The following NEK11 variants were observed in gnomAD, a reference collection of about 807,000 sequenced individuals.
NEK11 encodes NIMA related kinase 11.
A neutral mutation model predicts 80.7 loss-of-function variants in NEK11; 72 were observed. The ratio of observed to expected loss-of-function variants is 0.89; its 90% CI spans 0.74 to 1.08. The LOEUF (loss-of-function observed/expected upper bound fraction) is 1.08. Ranked by LOEUF, NEK11 falls within the 50% of genes least tolerant of loss-of-function variation. The probability of loss-of-function intolerance (pLI) is 0.00; values close to 1 mark genes in which losing one functional copy is unlikely to be tolerated. For synonymous variants in NEK11, 251 were observed against 260.7 expected (o/e 0.96, Z 0.36); for missense variants, 764 against 763.6 (o/e 1.00, Z -0.01).
At chr3:131,306,053 A>G (rs539087811) in intron 17 of NEK11, among the ~76,000 whole-genome samples, 5 of 152,192 alleles carry the variant, frequency 3.3e-5, no homozygotes, top group African/African-American at 1.2e-4. Context: ...AAATCCTAAG[A>G]TTTCTTATGA....
At chr3:131,073,263 T>C (rs1016472333) in intron 3 of NEK11, among the ~76,000 whole-genome samples, 6 of 152,172 alleles carry the variant, frequency 3.9e-5, no homozygotes, top group Non-Finnish European at 7.4e-5. Context: ...TTTTTATTCA[T>C]GCAATATTTG....
chr3:131,182,642 C>T (rs2093417875), intron 14 of NEK11, among the ~76,000 whole-genome samples: 2 of 152,100 alleles, frequency 1.3e-5, no homozygotes, highest in African/African-American at 2.4e-5. Flanking sequence ...GGCCAAGGCT[C>T]GTTTAAATTA....
At chr3:131,035,395 G>T (rs1156253495) in intron 3 of NEK11, among the ~76,000 whole-genome samples, 1 of 152,166 alleles carries the variant, frequency 6.6e-6, no homozygotes, top group Non-Finnish European at 1.5e-5. Flanking sequence ...AGCCAAAAAA[G>T]TCTGGGTCCA....
chr3:131,294,738 T>C (rs1330487635), intron 17 of NEK11, among the ~76,000 whole-genome samples: 1 of 152,180 alleles, frequency 6.6e-6, no homozygotes, highest in Admixed American at 6.5e-5. Flanking sequence ...ATTTTGACAC[T>C]CTGTTGTTAG....
At chr3:131,089,408 AGT>A (rs955800657) in intron 4 of NEK11, among the ~76,000 whole-genome samples, 6 of 152,042 alleles carry the variant, frequency 3.9e-5, no homozygotes, top group Admixed American at 1.3e-4. Context: ...ATGTCAATCC[AGT>A]GAATTAATAA....
At chr3:131,118,218 T>C (rs2081649612) in intron 5 of NEK11, among the ~76,000 whole-genome samples, 1 of 152,226 alleles carries the variant, frequency 6.6e-6, no homozygotes, top group South Asian at 2.1e-4. Flanking sequence ...CTTTTCTGCA[T>C]CTATTGAGAT....
At chr3:131,082,674 ACTTT>A (rs1174640375) in intron 4 of NEK11, among the ~76,000 whole-genome samples, 1 of 152,230 alleles carries the variant, frequency 6.6e-6, no homozygotes, top group Non-Finnish European at 1.5e-5. Flanking sequence ...TGTTGCTATA[ACTTT>A]CTTTCCCTGT....
chr3:131,277,153 A>G (rs2096306925), intron 17 of NEK11, among the ~76,000 whole-genome samples: 2 of 152,208 alleles, frequency 1.3e-5, no homozygotes, highest in Admixed American at 6.5e-5. Context: ...CCACATATAA[A>G]AGTAGTCAGA....
chr3:131,138,287 C>A (rs2086054019), intron 7 of NEK11, among the ~76,000 whole-genome samples: 2 of 152,080 alleles, frequency 1.3e-5, no homozygotes, highest in African/African-American at 2.4e-5. Context: ...TCCCTGTAGG[C>A]CTGTAGTGGT....
Position 131,219,491 on chromosome 3 carries a change from G to A in NEK11, c.1400-9037G>A, listed in dbSNP as rs1580397134. On this transcript the variant is annotated intron_variant, in intron 14 of 17. Transcript: ENST00000383366. ...AAACCTGGGTGTAGCAAACCATCAG[G>A]ACGCGTGTGTATCCATGGAACAAAC... is the stretch of plus-strand genomic sequence containing the variant. Among the ~76,000 whole-genome samples, 5 of 151,568 alleles carry A rather than the reference G, an allele frequency of 3.3e-5. No homozygotes were observed. In the Middle Eastern group the frequency reaches 0.014, roughly 412 times the overall value.
chr3:131,075,152 C>T (rs1034406157), intron 3 of NEK11, among the ~76,000 whole-genome samples: 10 of 152,090 alleles, frequency 6.6e-5, no homozygotes, highest in African/African-American at 2.2e-4. Flanking sequence ...TGTTTGTGAT[C>T]GGGGTACGTA....
At chr3:131,063,692 C>A (rs909997753) in intron 3 of NEK11, among the ~76,000 whole-genome samples, 1 of 152,060 alleles carries the variant, frequency 6.6e-6, no homozygotes, top group African/African-American at 2.4e-5. Flanking sequence ...AGATCTTTAG[C>A]AAGAGAGTGA....
chr3:131,174,240 G>T (rs1268245890), intron 14 of NEK11, among the ~76,000 whole-genome samples: 1 of 152,148 alleles, frequency 6.6e-6, no homozygotes, highest in Admixed American at 6.5e-5. Context: ...AGAATGGTGG[G>T]CAACTACCAG....
chr3:131,068,495 A>G (rs1326973866), intron 3 of NEK11, among the ~76,000 whole-genome samples: 2 of 152,202 alleles, frequency 1.3e-5, no homozygotes, highest in Admixed American at 1.3e-4. Flanking sequence ...ACTTATTCTC[A>G]GATTCCAGAA....
chr3:131,078,039 T>A (rs1042097516), intron 3 of NEK11, among the ~76,000 whole-genome samples: 1 of 152,176 alleles, frequency 6.6e-6, no homozygotes, highest in African/African-American at 2.4e-5. Flanking sequence ...TAAAGACACC[T>A]GTTAATGGCA....
intron 15 of NEK11, among the ~76,000 whole-genome samples, chr3:131,234,273 T>C (rs1214291314): frequency 6.6e-6 from 1 of 152,230 alleles, no homozygotes; most frequent in Non-Finnish European, 1.5e-5. Context: ...TGTCCTTTTC[T>C]TTTTTAAGAT....
chr3:131,152,710 G>C lies in NEK11; in HGVS notation c.876+1G>C. 2 of 1,604,290 alleles carry C rather than the reference G, an allele frequency of 1.2e-6. No individual in the cohort carries two copies. On this transcript the variant is annotated splice_donor_variant, in intron 9 of 17. Transcript: ENST00000383366. LOFTEE classifies it high-confidence loss of function. Reference sequence around the variant, plus strand: ...CCCTTACCTTGATGAGCAGCTACAGGTATTTAAAATGAAAGGGATTCTGGG... The same window carrying C: ...CCCTTACCTTGATGAGCAGCTACAGCTATTTAAAATGAAAGGGATTCTGGG...
At chr3:131,132,513 ACC>A (rs2084681633) in intron 5 of NEK11, among the ~76,000 whole-genome samples, 1 of 152,062 alleles carries the variant, frequency 6.6e-6, no homozygotes, top group African/African-American at 2.4e-5. Context: ...AAAGCATATC[ACC>A]GTTCTCCAAA....
At chr3:131,239,572 G>A (rs1048924100) in intron 15 of NEK11, among the ~76,000 whole-genome samples, 2 of 152,268 alleles carry the variant, frequency 1.3e-5, no homozygotes, top group East Asian at 3.9e-4. Context: ...TATGTGCCAA[G>A]CCTTCTCTAG....
Sources: gnomAD v4.1 joint callset for allele counts (sites outside exome capture counted in the v4.1 genomes callset) on GRCh38, gnomAD v4.1.1 for gene constraint, MANE v1.5 for transcripts, NCBI Gene and HGNC (gene_info 2026-07-23, HGNC 2026-07-21) for gene names.